The following SLIT3 variants were observed in gnomAD, a reference collection of about 807,000 sequenced individuals.
SLIT3 encodes the protein slit homolog 3 protein.
In SLIT3, 68 loss-of-function variants were observed where a neutral mutation model predicts 184.0. The ratio of observed to expected loss-of-function variants is 0.37; its 90% CI spans 0.30 to 0.45. The LOEUF is 0.45. Among genes scored for constraint, SLIT3 ranks in the 20% least tolerant of loss-of-function variants. The pLI is 1.00. For synonymous variants in SLIT3, 831 were observed against 828.6 expected (o/e 1.00, Z -0.05); for missense variants, 1,707 against 2,026.0 (o/e 0.84, Z 3.02).
At chr5:168,879,067 G>A (rs1759851616) in intron 5 of SLIT3, among the ~76,000 whole-genome samples, 1 of 152,152 alleles carries the variant, frequency 6.6e-6, no homozygotes. Flanking sequence ...GAAAATATAC[G>A]TCAAAACTAC....
chr5:169,139,784 T>C (rs1025519078), intron 4 of SLIT3, among the ~76,000 whole-genome samples: 3 of 152,204 alleles, frequency 2.0e-5, no homozygotes, highest in African/African-American at 7.2e-5. Context: ...TTTTCCACTC[T>C]TGCCAGCAGC....
chr5:169,289,480 T>C (rs1767265326), intron 1 of SLIT3, among the ~76,000 whole-genome samples: 1 of 152,242 alleles, frequency 6.6e-6, no homozygotes, highest in Non-Finnish European at 1.5e-5. Context: ...AAGTAATTCA[T>C]CATTTATAGA....
At chr5:169,020,097 A>G (rs912112316) in intron 4 of SLIT3, among the ~76,000 whole-genome samples, 28 of 152,096 alleles carry the variant, frequency 1.8e-4, no homozygotes, top group African/African-American at 4.8e-4. Context: ...CTTTCATAGT[A>G]TCATGGCAGA....
intron 5 of SLIT3, among the ~76,000 whole-genome samples, chr5:168,868,687 A>G (rs1402100920): frequency 2.0e-5 from 3 of 149,444 alleles, no homozygotes; most frequent in Admixed American, 1.3e-4. Flanking sequence ...GGCAGAGGTT[A>G]CAGCGAGCTG....
chr5:168,884,814 T>C (rs188203419), intron 4 of SLIT3, among the ~76,000 whole-genome samples: 125 of 152,004 alleles, frequency 8.2e-4, no homozygotes, highest in African/African-American at 2.7e-3. Flanking sequence ...GCATGCACAT[T>C]TTGGGGACAC....
At chr5:169,134,297 G>A (rs892017479) in intron 4 of SLIT3, among the ~76,000 whole-genome samples, 1 of 152,182 alleles carries the variant, frequency 6.6e-6, no homozygotes, top group Admixed American at 6.5e-5. Flanking sequence ...TGGGCCCCTC[G>A]GTCTCTTTGC....
intron 5 of SLIT3, among the ~76,000 whole-genome samples, chr5:168,862,032 A>C (rs1581155952): frequency 6.6e-6 from 1 of 152,316 alleles, no homozygotes; most frequent in East Asian, 1.9e-4. Context: ...TTAGAGAACA[A>C]AACAAGACCA....
intron 4 of SLIT3, among the ~76,000 whole-genome samples, chr5:169,122,227 TAC>T (rs1006103504): frequency 1.3e-5 from 2 of 152,188 alleles, no homozygotes; most frequent in Admixed American, 6.5e-5. Context: ...ACTCAGTTAT[TAC>T]ATACTTAGAC....
At chr5:169,277,925 T>C (rs926995024) in intron 1 of SLIT3, among the ~76,000 whole-genome samples, 1 of 152,224 alleles carries the variant, frequency 6.6e-6, no homozygotes, top group Non-Finnish European at 1.5e-5. Flanking sequence ...TTCTGGGTTA[T>C]GTTTTCTCTT....
chr5:168,668,563 TCTTAA>T (rs1197262290), intron 35 of SLIT3, among the ~76,000 whole-genome samples: 1 of 152,250 alleles, frequency 6.6e-6, no homozygotes, highest in African/African-American at 2.4e-5. Context: ...TGCTTTAGAA[TCTTAA>T]CTTTGGCAGT....
intron 32 of SLIT3, 31 bp downstream of exon 32, chr5:168,683,935 A>C (rs1316226945): frequency 6.9e-7 from 1 of 1,456,686 alleles, no homozygotes; most frequent in Non-Finnish European, 9.2e-7. Context: ...GGAGGAACAC[A>C]CAGTGGGTCA....
chr5:168,793,810 G>T, intron 10 of SLIT3, among the ~76,000 whole-genome samples: 1 of 145,260 alleles, frequency 6.9e-6, no homozygotes, highest in East Asian at 2.1e-4. Context: ...TGGGGGGGGG[G>T]ATGCATGGAG....
intron 4 of SLIT3, among the ~76,000 whole-genome samples, chr5:169,149,780 G>T (rs560146093): frequency 3.9e-5 from 6 of 152,298 alleles, no homozygotes; most frequent in African/African-American, 1.4e-4. Context: ...AGGTGAGATG[G>T]TCAATGTTAG....
chr5:169,105,499 C>T (rs898695394), intron 4 of SLIT3, among the ~76,000 whole-genome samples: 1 of 152,188 alleles, frequency 6.6e-6, no homozygotes, highest in Non-Finnish European at 1.5e-5. Flanking sequence ...TCCAAAGTCA[C>T]GCCAAGCGTT....
chr5:169,202,807 C>G (rs1007259299), intron 3 of SLIT3, among the ~76,000 whole-genome samples: 2 of 151,750 alleles, frequency 1.3e-5, no homozygotes, highest in African/African-American at 4.8e-5. Flanking sequence ...CACCCCTGCC[C>G]GCAACACACA....
intron 4 of SLIT3, among the ~76,000 whole-genome samples, chr5:168,976,030 C>A (rs1346973430): frequency 1.3e-5 from 2 of 152,192 alleles, no homozygotes; most frequent in Non-Finnish European, 2.9e-5. Context: ...CTTACCCTGG[C>A]CCAGTAGCTC....
At chr5:168,669,628 C>T (rs148409567) in intron 35 of SLIT3, among the ~76,000 whole-genome samples, 155 bp downstream of exon 35, 6 of 152,156 alleles carry the variant, frequency 3.9e-5, no homozygotes, top group African/African-American at 1.2e-4. Flanking sequence ...GTATTGCCTC[C>T]GTTTTCAAGT....
At chr5:169,021,237 T>C (rs796690800) in intron 4 of SLIT3, among the ~76,000 whole-genome samples, 7 of 152,342 alleles carry the variant, frequency 4.6e-5, no homozygotes, top group African/African-American at 1.7e-4. Flanking sequence ...ATGCCTGTGA[T>C]CTGTCAGAGG....
At chr5:169,229,837 T>TA (rs1174132994) in intron 3 of SLIT3, among the ~76,000 whole-genome samples, 1 of 152,098 alleles carries the variant, frequency 6.6e-6, no homozygotes, top group African/African-American at 2.4e-5. Context: ...ATTTAACTTG[T>TA]AAGTGAACCT....
Sources: gnomAD v4.1 joint callset for allele counts (sites outside exome capture counted in the v4.1 genomes callset) on GRCh38, gnomAD v4.1.1 for gene constraint, MANE v1.5 for transcripts, NCBI Gene and HGNC (gene_info 2026-07-23, HGNC 2026-07-21) for gene names.